PTP4A1: variants seen among roughly 807,000 people sequenced by gnomAD.
The protein encoded by PTP4A1 is protein tyrosine phosphatase type IVA 1.
Under a neutral mutation model 20.5 loss-of-function variants are expected in PTP4A1, and 9 were observed. That is an observed-to-expected ratio of 0.44 (90% CI 0.26 to 0.77). The LOEUF is 0.77. PTP4A1 is among the 30% of genes least tolerant of loss of function. The pLI is 0.19. For synonymous variants in PTP4A1, 78 were observed against 67.4 expected, an observed-to-expected ratio of 1.16 and a Z score of -0.77; for missense variants, 137 against 218.8, an observed-to-expected ratio of 0.63 and a Z score of 2.36.
intron 2 of PTP4A1, among the ~76,000 whole-genome samples, chr6:63,535,683 T>C (rs1011984787): frequency 1.8e-4 from 27 of 152,178 alleles, no homozygotes; most frequent in African/African-American, 6.3e-4. Flanking sequence ...AACACATTTA[T>C]AGTAGTTTTG....
At chr6:63,557,010 A>T (rs946236607) in intron 3 of PTP4A1, among the ~76,000 whole-genome samples, 1 of 152,232 alleles carries the variant, frequency 6.6e-6, no homozygotes, top group Admixed American at 6.5e-5. Context: ...GAAATCAAGC[A>T]TGAAACAATT....
At chr6:63,548,817 T>C in intron 2 of PTP4A1, 1 of 745,972 alleles carries the variant, frequency 1.3e-6, no homozygotes, top group Non-Finnish European at 2.4e-6. Context: ...GCGGATCTCA[T>C]TGTATCTGTC....
At chr6:63,542,379 T>C (rs1034722238) in intron 2 of PTP4A1, among the ~76,000 whole-genome samples, 4 of 151,592 alleles carry the variant, frequency 2.6e-5, no homozygotes, top group African/African-American at 9.7e-5. Flanking sequence ...ACTAAGGAAA[T>C]TACTCATGTA....
intron 2 of PTP4A1, among the ~76,000 whole-genome samples, chr6:63,546,403 T>C (rs2149487110): frequency 6.6e-6 from 1 of 152,206 alleles, no homozygotes; most frequent in South Asian, 2.1e-4. Context: ...CAGGAGATGT[T>C]GTTTAAAGAG....
At chr6:63,544,082 G>A (rs1322415) in intron 2 of PTP4A1, among the ~76,000 whole-genome samples, 80,860 of 151,932 alleles carry the variant, frequency 0.53, 23,245 homozygotes, top group African/African-American at 0.76. Flanking sequence ...TTTTCTGCCT[G>A]TGAGCTGGTA....
chr6:63,540,311 G>A (rs190576229), intron 2 of PTP4A1, among the ~76,000 whole-genome samples: 115 of 152,228 alleles, frequency 7.6e-4, no homozygotes, highest in South Asian at 8.3e-4. Flanking sequence ...AAATCCAGAT[G>A]TGTATAGAAT....
intron 3 of PTP4A1, among the ~76,000 whole-genome samples, chr6:63,554,917 C>T (rs1776614051): frequency 6.6e-6 from 1 of 152,188 alleles, no homozygotes; most frequent in Non-Finnish European, 1.5e-5. Context: ...TAGATTTTCA[C>T]AGAAATTATG....
chr6:63,518,661 G>A (rs1774817261), upstream of PTP4A1, among the ~76,000 whole-genome samples: 1 of 152,210 alleles, frequency 6.6e-6, no homozygotes, highest in South Asian at 2.1e-4. Context: ...TCTCTTTACA[G>A]CTAAGGTTCT....
Position 63,574,320 on chromosome 6 carries a change from T to C in PTP4A1, c.-446+1601T>C, listed in dbSNP as rs993466664. Among the ~76,000 whole-genome samples the C allele has an allele frequency of 2.6e-5, 4 of 152,154 alleles. 1 individual carries two copies. In the South Asian group the frequency reaches 8.3e-4, roughly 31 times the overall value. ...GCACAGAGATTACTCTTTCCTCCTCTCCCTTCTTGTATATGATTGTGATTA... is the reference window on the plus strand; with the variant it reads ...GCACAGAGATTACTCTTTCCTCCTCCCCCTTCTTGTATATGATTGTGATTA... On this transcript the variant is annotated intron_variant, in intron 1 of 5. Transcript: ENST00000626021.
At chr6:63,554,615 T>A (rs565969423) in intron 3 of PTP4A1, among the ~76,000 whole-genome samples, 1 of 152,136 alleles carries the variant, frequency 6.6e-6, no homozygotes, top group Non-Finnish European at 1.5e-5. Context: ...CTGGCCAACA[T>A]GGTGAAACCC....
At chr6:63,570,624 C>A (rs1355143159), upstream of PTP4A1, among the ~76,000 whole-genome samples, 1 of 152,200 alleles carries the variant, frequency 6.6e-6, no homozygotes, top group Non-Finnish European at 1.5e-5. Flanking sequence ...CTCTGTTAAT[C>A]ATTTGCTGAG....
At chr6:63,549,709 A>G (rs1776351700) in intron 2 of PTP4A1, among the ~76,000 whole-genome samples, 1 of 152,156 alleles carries the variant, frequency 6.6e-6, no homozygotes, top group Non-Finnish European at 1.5e-5. Context: ...GCAGGAACCT[A>G]AAGTTAAACA....
At chr6:63,572,930 C>T (rs546237411) in intron 1 of PTP4A1, among the ~76,000 whole-genome samples, 83 of 152,244 alleles carry the variant, frequency 5.5e-4, no homozygotes, top group African/African-American at 1.9e-3. Flanking sequence ...CCCCTCGGGG[C>T]TGCGGGGTGG....
upstream of PTP4A1, among the ~76,000 whole-genome samples, chr6:63,569,288 C>T (rs1777317652): frequency 6.6e-6 from 1 of 152,218 alleles, no homozygotes; most frequent in Non-Finnish European, 1.5e-5. Flanking sequence ...TGAAGTCTCA[C>T]TCTGTCTCCC....
In PTP4A1 at chr6:63,583,006, A is replaced by C. The variant is rs1046314343; in HGVS notation, c.*2832A>C. 2.6e-5 allele frequency: 4 copies of C among 152,196 alleles called. No homozygotes were observed. Among genetic ancestry groups the C allele is most frequent in the Admixed American group, 6.5e-5 (1 of 15,272 alleles). The allele number at this position is 152,196 out of a possible 1,614,324, so 9.4% of individuals were successfully genotyped here. A position where few individuals can be genotyped will look rare whatever the true frequency, so the allele number is the denominator to read the frequency against. ...AATTTATTTTTTTAATGTCATATTC[A>C]TCTGGTAAATATCTACTGTTTGCCA... On this transcript the variant is annotated 3_prime_UTR_variant, in exon 6 of 6. Transcript: ENST00000626021.
At chr6:63,516,931 G>A (rs1250306532), upstream of PTP4A1, among the ~76,000 whole-genome samples, 4 of 152,238 alleles carry the variant, frequency 2.6e-5, no homozygotes, top group Middle Eastern at 0.01. Context: ...CTCTGCCACC[G>A]TATCATATCA....
At position 63,553,637 on chromosome 6, in the gene PTP4A1, T is replaced by C. The variant is rs370758930; in HGVS notation, c.-446+3144T>C. Among the ~76,000 whole-genome samples the C allele has an allele frequency of 7.2e-5, 11 of 152,334 alleles. No individual in the cohort carries two copies. The East Asian group carries it at 1.5e-3, about 21-fold the overall frequency. On this transcript the variant is annotated intron_variant, in intron 3 of 3. Transcript: ENST00000639568. The stretch of plus-strand genomic sequence containing the variant: ...TAATGAATGACAGCTAAGGAATGTG[T>C]AGCTTCCTGGTAAAGAATTGATTGC...
At chr6:63,572,884 C>T (rs941732404) in intron 1 of PTP4A1, among the ~76,000 whole-genome samples, 165 bp downstream of exon 1, 4 of 152,104 alleles carry the variant, frequency 2.6e-5, no homozygotes, top group Non-Finnish European at 5.9e-5. Context: ...CTGTGGCCGG[C>T]CGATTGCGGC....
At chr6:63,575,582 TCAA>T (rs1417541296) in intron 1 of PTP4A1, among the ~76,000 whole-genome samples, 2 of 152,212 alleles carry the variant, frequency 1.3e-5, no homozygotes, top group Admixed American at 6.5e-5. Flanking sequence ...ACTTCCACCT[TCAA>T]CATCCCTTTG....
Sources: allele counts gnomAD v4.1 joint callset (sites outside exome capture counted in the v4.1 genomes callset), GRCh38; gene constraint gnomAD v4.1.1; transcripts MANE v1.5; gene names NCBI Gene and HGNC (gene_info 2026-07-23, HGNC 2026-07-21).